The following VPS13A variants were observed in gnomAD, a reference collection of about 807,000 sequenced individuals.
The protein encoded by VPS13A is intermembrane lipid transfer protein VPS13A.
Under a neutral mutation model 390.9 loss-of-function variants are expected in VPS13A, and 264 were observed. The ratio of observed to expected loss-of-function variants is 0.68; its 90% CI spans 0.61 to 0.75. VPS13A has a LOEUF of 0.75. Ranked by LOEUF, VPS13A falls within the 30% of genes least tolerant of loss-of-function variation. The pLI, the probability that VPS13A is intolerant of heterozygous loss-of-function variation, is 0.00. For synonymous variants in VPS13A, 1,231 were observed against 1,227.1 expected (o/e 1.00, Z -0.07); for missense variants, 3,409 against 3,733.9 (o/e 0.91, Z 2.27).
intron 68 of VPS13A, among the ~76,000 whole-genome samples, chr9:77,395,289 G>C (rs540026941): frequency 9.2e-5 from 14 of 152,224 alleles, no homozygotes; most frequent in Admixed American, 3.9e-4. Flanking sequence ...TCACGTAATA[G>C]GGAGGCTCAA....
At chr9:77,322,613 A>G (rs2131453471) in intron 44 of VPS13A, among the ~76,000 whole-genome samples, 1 of 152,096 alleles carries the variant, frequency 6.6e-6, no homozygotes, top group East Asian at 1.9e-4. Flanking sequence ...CCCCAATACA[A>G]CATGTGTTTT....
chr9:77,219,907 C>T, intron 10 of VPS13A, 47 bp from the exon 11 acceptor site: 1 of 1,595,914 alleles, frequency 6.3e-7, no homozygotes, highest in Non-Finnish European at 8.6e-7. Flanking sequence ...TGCCTTGAGA[C>T]TTTGGAAATA....
intron 58 of VPS13A, 52 bp from the exon 59 acceptor site, chr9:77,360,484 T>G: frequency 7.6e-7 from 1 of 1,319,214 alleles, no homozygotes; most frequent in Non-Finnish European, 1.1e-6. Context: ...ATTTTTGTAA[T>G]ACAGTTGTTA....
intron 32 of VPS13A, among the ~76,000 whole-genome samples, chr9:77,294,635 C>T (rs1043520234): frequency 6.6e-6 from 1 of 152,130 alleles, no homozygotes; most frequent in African/African-American, 2.4e-5. Flanking sequence ...GTTTTGTGAT[C>T]TTTTAAGCCA....
intron 68 of VPS13A, among the ~76,000 whole-genome samples, chr9:77,387,286 A>G (rs1379788759): frequency 6.6e-6 from 1 of 152,212 alleles, no homozygotes; most frequent in Admixed American, 6.5e-5. Flanking sequence ...ACTCTTGTTT[A>G]TCAATGGTTC....
At chr9:77,281,768 C>T in intron 27 of VPS13A, 99 bp from the exon 28 acceptor site, 1 of 688,990 alleles carries the variant, frequency 1.5e-6, no homozygotes, top group East Asian at 2.9e-5. Flanking sequence ...TGTATATGAA[C>T]AGCTGGAAAA....
rs1447370088 is a variant in VPS13A at position 77,221,273 on chromosome 9, C to T, written c.1078C>T (p.Gln360Ter). ...ATGGAAGCATATTAGAAAACATAGG[C>T]AAAAAGTGAAGCAATATAAAGAACT... Reference protein sequence around the residue: ...WSWKHIRKHRQKVKQYKELYK... With the variant: ...WSWKHIRKHR The change falls in exon 13 of 72, where the codon CAA becomes TAA. Residue 360 changes from glutamine to a stop codon, truncating the protein, a stop_gained. Coordinates refer to ENST00000360280, the MANE Select transcript of VPS13A (RefSeq NM_033305.3). LOFTEE classifies it high-confidence loss of function. 10 of 1,612,740 alleles carry T rather than the reference C, an allele frequency of 6.2e-6. No individual in the cohort carries two copies. In the Admixed American group the frequency reaches 1.3e-4, roughly 22 times the overall value.
chr9:77,210,090 A>G (rs1269665636), intron 6 of VPS13A, among the ~76,000 whole-genome samples: 1 of 151,896 alleles, frequency 6.6e-6, no homozygotes, highest in Non-Finnish European at 1.5e-5. Flanking sequence ...AAGTAATAAA[A>G]TGTTTCTGAA....
chr9:77,360,672 A>C lies in VPS13A; in HGVS notation c.8211+31A>C, dbSNP rs563831605. ...ACTTAAAATAATAACATTTGATGGA[A>C]AGGATTAGGGAAAAGATATTATTAT... is the stretch of plus-strand genomic sequence containing the variant. On this transcript the variant is annotated intron_variant, in intron 59 of 71. Transcript: ENST00000360280. 7 of 1,468,160 alleles carry C rather than the reference A, an allele frequency of 4.8e-6. No individual in the cohort carries two copies. In the African/African-American group the frequency reaches 8.3e-5, roughly 17 times the overall value. The allele number at this position is 1,468,160 out of a possible 1,614,324, so 90.9% of individuals were successfully genotyped here.
chr9:77,378,024 A>G (rs1210229949), intron 67 of VPS13A, among the ~76,000 whole-genome samples: 2 of 152,192 alleles, frequency 1.3e-5, no homozygotes, highest in African/African-American at 4.8e-5. Flanking sequence ...TTTGGACATA[A>G]TGTGTAATCG....
intron 32 of VPS13A, 140 bp downstream of exon 32, chr9:77,293,648 A>G: frequency 2.4e-6 from 1 of 418,248 alleles, no homozygotes; most frequent in Non-Finnish European, 4.0e-6. Flanking sequence ...TTTATTATAC[A>G]TAATAAATGT....
chr9:77,382,470 C>G, intron 68 of VPS13A: 1 of 1,350,560 alleles, frequency 7.4e-7, no homozygotes, highest in Non-Finnish European at 9.5e-7. Flanking sequence ...GTTCTTAGTT[C>G]TGCACTGGAT....
chr9:77,247,303 A>G lies in VPS13A; in HGVS notation c.1945A>G (p.Ile649Val), dbSNP rs1471771922. ...AACACAGAAAGTTCTTGATCTCAAA[A>G]TTAATTTGAAGGCTTCATATATTAT... ...IETQKVLDLKINLKASYIIVP... is the reference protein window; with the variant it reads ...IETQKVLDLKVNLKASYIIVP... The change falls in exon 20 of 72, where the codon ATT becomes GTT. Residue 649 changes from isoleucine to valine, a missense_variant. Ile to Val is a conservative substitution (Grantham distance 29). Coordinates refer to ENST00000360280, the MANE Select transcript of VPS13A (RefSeq NM_033305.3). 3 of 1,607,568 alleles carry G rather than the reference A, an allele frequency of 1.9e-6. No individual in the cohort carries two copies. The highest frequency in any genetic ancestry group is 1.3e-5 in the African/African-American group (1 of 74,846).
intron 3 of VPS13A, among the ~76,000 whole-genome samples, chr9:77,204,632 T>C (rs1825531144): frequency 1.3e-5 from 2 of 152,074 alleles, no homozygotes; most frequent in Admixed American, 1.3e-4. Flanking sequence ...ACAATCTACC[T>C]TTCATTGCGG....
At chr9:77,218,825 G>A (rs1024608246) in intron 10 of VPS13A, among the ~76,000 whole-genome samples, 3 of 152,014 alleles carry the variant, frequency 2.0e-5, no homozygotes, top group African/African-American at 7.2e-5. Context: ...GATGATTCCT[G>A]GACTGAAGGA....
At chr9:77,414,596 G>C (rs1329943859) in intron 71 of VPS13A, among the ~76,000 whole-genome samples, 2 of 151,970 alleles carry the variant, frequency 1.3e-5, no homozygotes, top group East Asian at 1.9e-4. Context: ...TTATGGGATG[G>C]GGGGAGGGAG....
chr9:77,300,701 C>G (rs1487858427), intron 33 of VPS13A, among the ~76,000 whole-genome samples: 1 of 152,164 alleles, frequency 6.6e-6, no homozygotes, highest in Non-Finnish European at 1.5e-5. Context: ...CACTGCATTC[C>G]GGCCTGGATG....
chr9:77,413,594 C>G (rs1351189727), intron 71 of VPS13A, among the ~76,000 whole-genome samples: 8 of 152,068 alleles, frequency 5.3e-5, no homozygotes, highest in East Asian at 1.9e-4. Context: ...ATTAATTCAA[C>G]ATGGATTAAA....
rs1163065028 is a variant in VPS13A at position 77,179,723 on chromosome 9, A to G, written c.100+1919A>G. Among the ~76,000 whole-genome samples the G allele has an allele frequency of 4.1e-5, 6 of 147,444 alleles. No individual in the cohort carries two copies. In the South Asian group the frequency reaches 1.1e-3, roughly 26 times the overall value. ...TTTTTTGAGATTTATTTCATATACCATAAATTTCACTCTTTTAAAATGTAC... is the reference window on the plus strand; with the variant it reads ...TTTTTTGAGATTTATTTCATATACCGTAAATTTCACTCTTTTAAAATGTAC... On this transcript the variant is annotated intron_variant, in intron 1 of 71. Coordinates refer to ENST00000360280, the MANE Select transcript of VPS13A (RefSeq NM_033305.3).
Sources: gnomAD v4.1 joint callset for allele counts (sites outside exome capture counted in the v4.1 genomes callset) on GRCh38, gnomAD v4.1.1 for gene constraint, MANE v1.5 for transcripts, NCBI Gene and HGNC (gene_info 2026-07-23, HGNC 2026-07-21) for gene names.